RALYL: variants seen among roughly 807,000 people sequenced by gnomAD.
RALYL encodes the protein RALY RNA binding protein like, also known as RNA-binding Raly-like protein.
RALYL carries 29 observed loss-of-function variants against 35.1 expected under a neutral mutation model. The ratio of observed to expected loss-of-function variants is 0.83; its 90% CI spans 0.61 to 1.13. The LOEUF (loss-of-function observed/expected upper bound fraction) is 1.13, where lower values mean the gene tolerates loss of function less well. RALYL is among the 50% of genes most tolerant of loss of function. RALYL has a pLI of 0.00. For synonymous variants in RALYL, 120 were observed against 127.6 expected (o/e 0.94, Z 0.40); for missense variants, 359 against 360.4 (o/e 1.00, Z 0.03).
chr8:84,622,217 G>T (rs1011931912), intron 2 of RALYL, among the ~76,000 whole-genome samples: 2 of 152,120 alleles, frequency 1.3e-5, no homozygotes, highest in Admixed American at 6.5e-5. Flanking sequence ...AGAAAAAGGG[G>T]TCATACGTGG....
At chr8:84,736,385 G>A (rs1252014395) in intron 2 of RALYL, among the ~76,000 whole-genome samples, 1 of 152,084 alleles carries the variant, frequency 6.6e-6, no homozygotes, top group Non-Finnish European at 1.5e-5. Context: ...CTGGAAACAA[G>A]TAAAGGACAA....
chr8:84,367,963 T>C (rs932373669), intron 1 of RALYL, among the ~76,000 whole-genome samples: 1 of 152,206 alleles, frequency 6.6e-6, no homozygotes, highest in Admixed American at 6.5e-5. Context: ...CCTTCCTTTT[T>C]AAATTTTCTC....
At chr8:84,751,506 C>A (rs1251673738) in intron 2 of RALYL, among the ~76,000 whole-genome samples, 1 of 152,030 alleles carries the variant, frequency 6.6e-6, no homozygotes, top group African/African-American at 2.4e-5. Flanking sequence ...CCACGCCTGG[C>A]CTGGTTTATG....
At chr8:84,491,972 C>T (rs1019641266) in intron 1 of RALYL, among the ~76,000 whole-genome samples, 1 of 151,628 alleles carries the variant, frequency 6.6e-6, no homozygotes, top group Non-Finnish European at 1.5e-5. Flanking sequence ...TTTGTGTTAT[C>T]CCAGTTTTAA....
intron 1 of RALYL, among the ~76,000 whole-genome samples, chr8:84,294,057 A>C (rs1298774250): frequency 1.3e-5 from 2 of 152,112 alleles, no homozygotes; most frequent in Non-Finnish European, 2.9e-5. Context: ...TGCATGAAGA[A>C]CTGTAGGGTT....
At chr8:84,317,986 AT>A (rs1226421424) in intron 1 of RALYL, among the ~76,000 whole-genome samples, 3 of 151,936 alleles carry the variant, frequency 2.0e-5, no homozygotes, top group African/African-American at 7.3e-5. Flanking sequence ...CTTAAATGCC[AT>A]TACCTTCTAT....
At position 84,282,976 on chromosome 8, in the gene RALYL, A is replaced by G. The variant is rs960686559; in HGVS notation, c.-24+98552A>G. ...TCCTCCCTGTTTTAATGGCATTATG[A>G]TAAGATAATCCACATGGAAATATAG... On this transcript the variant is annotated intron_variant, in intron 1 of 8. Coordinates refer to ENST00000521268, the MANE Select transcript of RALYL (RefSeq NM_173848.7). 2.0e-5 allele frequency among the ~76,000 whole-genome samples: 3 copies of G among 151,952 alleles called. No homozygotes were observed. The East Asian group carries it at 5.8e-4, about 29-fold the overall frequency.
chr8:84,826,280 T>A (rs537214689), intron 4 of RALYL, among the ~76,000 whole-genome samples: 1 of 106,672 alleles, frequency 9.4e-6, no homozygotes, highest in South Asian at 3.0e-4. Context: ...TACACATGTA[T>A]CCCCTGAATC....
At chr8:84,364,470 T>G (rs1853777439) in intron 1 of RALYL, among the ~76,000 whole-genome samples, 1 of 152,164 alleles carries the variant, frequency 6.6e-6, no homozygotes, top group African/African-American at 2.4e-5. Context: ...TGGCATAAGT[T>G]GGAAGAAAGA....
intron 2 of RALYL, among the ~76,000 whole-genome samples, chr8:84,686,231 G>A (rs1836753336): frequency 6.6e-6 from 1 of 150,928 alleles, no homozygotes; most frequent in African/African-American, 2.5e-5. Flanking sequence ...TCACAAAAGT[G>A]GTGAAGTAAA....
intron 4 of RALYL, among the ~76,000 whole-genome samples, chr8:84,810,157 T>C (rs757415422): frequency 7.2e-5 from 11 of 152,168 alleles, no homozygotes; most frequent in Non-Finnish European, 1.5e-4. Context: ...ACCTTTACTG[T>C]ATCCCAGAGG....
At chr8:84,444,273 G>A (rs1180703364) in intron 1 of RALYL, among the ~76,000 whole-genome samples, 2 of 152,090 alleles carry the variant, frequency 1.3e-5, no homozygotes, top group Admixed American at 6.6e-5. Flanking sequence ...AGGCTGCAGT[G>A]AGTCCTGATC....
At chr8:84,832,301 T>C (rs1831084971) in intron 4 of RALYL, among the ~76,000 whole-genome samples, 1 of 152,090 alleles carries the variant, frequency 6.6e-6, no homozygotes, top group African/African-American at 2.4e-5. Flanking sequence ...ATTACGTTGA[T>C]AGATTTCCAG....
intron 1 of RALYL, among the ~76,000 whole-genome samples, chr8:84,392,574 G>C (rs1860941346): frequency 6.6e-6 from 1 of 152,028 alleles, no homozygotes; most frequent in Admixed American, 6.6e-5. Flanking sequence ...TTAAGCTATA[G>C]TGAGAGAAAG....
chr8:84,298,812 G>C (rs1840251440), intron 1 of RALYL, among the ~76,000 whole-genome samples: 1 of 151,638 alleles, frequency 6.6e-6, no homozygotes, highest in East Asian at 1.9e-4. Flanking sequence ...GTGTGTGTGT[G>C]AATGGGACTA....
chr8:84,835,566 C>A (rs1831814798), intron 4 of RALYL, among the ~76,000 whole-genome samples: 1 of 149,948 alleles, frequency 6.7e-6, no homozygotes, highest in Non-Finnish European at 1.5e-5. Flanking sequence ...GCCTGTAATC[C>A]CAGCTACTCG....
intron 1 of RALYL, among the ~76,000 whole-genome samples, chr8:84,437,373 A>G (rs1468777655): frequency 6.6e-6 from 1 of 152,108 alleles, no homozygotes; most frequent in East Asian, 1.9e-4. Flanking sequence ...TCAGATATCT[A>G]CCCAGTAAAG....
intron 1 of RALYL, among the ~76,000 whole-genome samples, chr8:84,326,040 A>C (rs936671220): frequency 2.0e-5 from 3 of 152,140 alleles, no homozygotes; most frequent in African/African-American, 7.2e-5. Flanking sequence ...TGAACCTGGG[A>C]GGCGGAGGTT....
At chr8:84,537,670 A>G (rs943794802) in intron 2 of RALYL, among the ~76,000 whole-genome samples, 8 of 151,972 alleles carry the variant, frequency 5.3e-5, no homozygotes, top group Non-Finnish European at 1.2e-4. Flanking sequence ...TTTATATATC[A>G]TTTTTTCCTC....
Sources: gnomAD v4.1 joint callset for allele counts (sites outside exome capture counted in the v4.1 genomes callset) on GRCh38, gnomAD v4.1.1 for gene constraint, MANE v1.5 for transcripts, NCBI Gene and HGNC (gene_info 2026-07-23, HGNC 2026-07-21) for gene names.